PCDH15: variants seen among roughly 807,000 people sequenced by gnomAD.
The protein encoded by PCDH15 is protocadherin-15.
Under a neutral mutation model 178.5 loss-of-function variants are expected in PCDH15, and 129 were observed. The ratio of observed to expected loss-of-function variants is 0.72; its 90% CI spans 0.63 to 0.84. The LOEUF (loss-of-function observed/expected upper bound fraction) is 0.84. PCDH15 is among the 40% of genes least tolerant of loss of function. The pLI is 0.00. For missense variants in PCDH15, 2,230 were observed against 2,099.9 expected, an observed-to-expected ratio of 1.06 and a Z score of -1.21; for synonymous variants, 800 against 732.0, an observed-to-expected ratio of 1.09 and a Z score of -1.50.
intron 2 of PCDH15, among the ~76,000 whole-genome samples, chr10:55,529,190 T>C (rs1357295895): frequency 1.3e-5 from 2 of 152,156 alleles, no homozygotes; most frequent in African/African-American, 2.4e-5. Flanking sequence ...CTGCTCACTC[T>C]GATGGTAGTT....
chr10:54,638,375 T>C (rs2093911112), intron 2 of PCDH15, among the ~76,000 whole-genome samples: 11 of 152,106 alleles, frequency 7.2e-5, no homozygotes. Flanking sequence ...AAGATTATTC[T>C]TTCAAAATTC....
At chr10:54,109,035 A>G (rs1027602536) in intron 15 of PCDH15, among the ~76,000 whole-genome samples, 1 of 152,184 alleles carries the variant, frequency 6.6e-6, no homozygotes, top group Admixed American at 6.5e-5. Context: ...CACTGTGGTG[A>G]GATTTATGAG....
upstream of PCDH15, among the ~76,000 whole-genome samples, chr10:55,319,816 A>T (rs1029492885): frequency 1.3e-5 from 2 of 152,164 alleles, no homozygotes; most frequent in African/African-American, 4.8e-5. Flanking sequence ...GATGGTGCAG[A>T]GTCCAGAGGG....
intron 2 of PCDH15, among the ~76,000 whole-genome samples, chr10:55,439,661 A>G (rs1280932467): frequency 6.6e-6 from 1 of 152,164 alleles, no homozygotes; most frequent in Non-Finnish European, 1.5e-5. Context: ...GACAAAATAG[A>G]AACATATAAC....
chr10:54,816,867 G>C (rs1282131120), intron 3 of PCDH15, among the ~76,000 whole-genome samples: 2 of 151,986 alleles, frequency 1.3e-5, no homozygotes, highest in Non-Finnish European at 2.9e-5. Context: ...ACAGTTTTGA[G>C]CTACATTGAC....
At chr10:54,616,967 T>TAAGTA (rs1267912044) in intron 2 of PCDH15, among the ~76,000 whole-genome samples, 10 of 152,118 alleles carry the variant, frequency 6.6e-5, no homozygotes, top group Non-Finnish European at 1.3e-4. Context: ...ACCTAGTTCA[T>TAAGTA]AAGTGATATG....
chr10:54,853,472 T>C (rs1004643175), intron 3 of PCDH15, among the ~76,000 whole-genome samples: 6 of 147,478 alleles, frequency 4.1e-5, no homozygotes, highest in Admixed American at 6.8e-5. Flanking sequence ...TATATATATA[T>C]ATATAGTATT....
intron 1 of PCDH15, among the ~76,000 whole-genome samples, chr10:55,280,083 A>G (rs1387911631): frequency 6.6e-6 from 1 of 152,052 alleles, no homozygotes; most frequent in East Asian, 1.9e-4. Flanking sequence ...TCTTTGCCAT[A>G]AAAGACAAGC....
intron 8 of PCDH15, among the ~76,000 whole-genome samples, chr10:54,289,796 A>G (rs1305985008): frequency 6.6e-6 from 1 of 152,246 alleles, no homozygotes; most frequent in Non-Finnish European, 1.5e-5. Context: ...AAAGGGTATC[A>G]GTGATTGGAG....
chr10:53,905,861 A>G (rs1384827023), intron 25 of PCDH15, among the ~76,000 whole-genome samples: 1 of 151,890 alleles, frequency 6.6e-6, no homozygotes, highest in East Asian at 1.9e-4. Context: ...CTTAATTATA[A>G]TATTTTAATT....
chr10:55,426,703 G>C (rs147999599), intron 2 of PCDH15, among the ~76,000 whole-genome samples: 1 of 152,256 alleles, frequency 6.6e-6, no homozygotes, highest in East Asian at 1.9e-4. Context: ...CAATGTCCTA[G>C]GAGAAATGAG....
At chr10:55,556,742 G>A (rs536359970) in intron 2 of PCDH15, among the ~76,000 whole-genome samples, 3 of 152,272 alleles carry the variant, frequency 2.0e-5, no homozygotes, top group African/African-American at 7.2e-5. Context: ...TTGGGAGGCT[G>A]AGGCAGGAGA....
intron 25 of PCDH15, among the ~76,000 whole-genome samples, chr10:53,915,750 G>A (rs1037953961): frequency 6.6e-6 from 1 of 152,060 alleles, no homozygotes; most frequent in African/African-American, 2.4e-5. Flanking sequence ...AGTAGAGACG[G>A]GGTTTCACTG....
At chr10:54,861,509 T>C (rs1953842606) in intron 3 of PCDH15, among the ~76,000 whole-genome samples, 1 of 152,140 alleles carries the variant, frequency 6.6e-6, no homozygotes, top group Non-Finnish European at 1.5e-5. Flanking sequence ...CAGGACCAGA[T>C]GGATTCACAG....
rs7393683 is a variant in PCDH15 at position 54,503,229 on chromosome 10, G to A, written c.157+24583C>T. On this transcript the variant is annotated intron_variant, in intron 3 of 37. Coordinates refer to ENST00000644397, the MANE Select transcript of PCDH15 (RefSeq NM_001384140.1). ...CCAGGCCAAATATACATATATATGTGTGTGTGTGTGTGTGTGTGTGTGTGT... is the reference window on the plus strand; with the variant it reads ...CCAGGCCAAATATACATATATATGTATGTGTGTGTGTGTGTGTGTGTGTGT... Among the ~76,000 whole-genome samples the A allele has an allele frequency of 1.8e-3, 168 of 95,942 alleles. 3 individuals are homozygous for A. Among genetic ancestry groups the A allele is most frequent in the Non-Finnish European group, 5.7e-4 (26 of 45,358 alleles). The allele number at this position is 95,942 out of a possible 152,430, so 62.9% of individuals were successfully genotyped here.
rs114671312 is a variant in PCDH15, at chr10:55,365,652, C to T, written c.-155-199001G>A. 8.4e-3 allele frequency among the ~76,000 whole-genome samples: 858 copies of T among 102,626 alleles called. 10 individuals are homozygous for T. The highest frequency in any genetic ancestry group is 0.035 in the African/African-American group (816 of 23,608). 67.3% of individuals were successfully genotyped at this position (102,626 alleles called of 152,430 possible). A position where few individuals can be genotyped will look rare whatever the true frequency, so the allele number is the denominator to read the frequency against. ...TTCTCATGAGAGAGAATGAGTACCA[C>T]GAGATATATGGTTTTAAAAAGGGGA... On this transcript the variant is annotated intron_variant, in intron 2 of 5. Coordinates refer to the PCDH15 transcript ENST00000613346.
intron 1 of PCDH15, among the ~76,000 whole-genome samples, chr10:54,705,487 C>T (rs1384151837): frequency 6.6e-6 from 1 of 152,098 alleles, no homozygotes; most frequent in Non-Finnish European, 1.5e-5. Context: ...CTCATCTCCC[C>T]AAACCTCAAT....
Position 55,431,282 on chromosome 10 carries a change from A to G in PCDH15, c.-156+196343T>C, listed in dbSNP as rs189369598. Among the ~76,000 whole-genome samples the G allele has an allele frequency of 7.9e-5, 12 of 152,290 alleles. No homozygotes were observed. The East Asian group carries it at 2.3e-3, about 29-fold the overall frequency. On this transcript the variant is annotated intron_variant, in intron 2 of 5. Transcript: ENST00000613346. ...TTCTTGAATGAAATGAAATCTTCTCACTGTTGCCTTTAATTTGTTTTTGTT... is the reference window on the plus strand; with the variant it reads ...TTCTTGAATGAAATGAAATCTTCTCGCTGTTGCCTTTAATTTGTTTTTGTT...
At chr10:55,454,099 AT>A (rs1010481921) in intron 2 of PCDH15, among the ~76,000 whole-genome samples, 2 of 152,132 alleles carry the variant, frequency 1.3e-5, no homozygotes, top group African/African-American at 2.4e-5. Flanking sequence ...ATAGAAAGAT[AT>A]TATGGATAGT....
Sources: allele counts gnomAD v4.1 joint callset (sites outside exome capture counted in the v4.1 genomes callset), GRCh38; gene constraint gnomAD v4.1.1; transcripts MANE v1.5; gene names NCBI Gene and HGNC (gene_info 2026-07-23, HGNC 2026-07-21).